Variants in CCDC18 observed in about 807,000 individuals in gnomAD.
CCDC18 encodes coiled-coil domain containing 18.
CCDC18 carries 157 observed loss-of-function variants against 196.0 expected under a neutral mutation model. The observed-to-expected ratio is 0.80, with a 90% CI of 0.70 to 0.91. The LOEUF (loss-of-function observed/expected upper bound fraction) is 0.91, where lower values mean the gene tolerates loss of function less well. CCDC18 is among the 40% of genes least tolerant of loss of function. The pLI is 0.00. For synonymous variants in CCDC18, 482 were observed against 529.2 expected, an observed-to-expected ratio of 0.91 and a Z score of 1.22; for missense variants, 1,465 against 1,611.6, an observed-to-expected ratio of 0.91 and a Z score of 1.56.
At chr1:93,246,994 A>G (rs766340237) in intron 23 of CCDC18, 40 bp downstream of exon 23, 1 of 877,090 alleles carries the variant, frequency 1.1e-6, no homozygotes, top group African/African-American at 1.8e-5. Context: ...ATTATTTTTT[A>G]AAAAATTCAA....
intron 4 of CCDC18, 55 bp from the exon 5 acceptor site, chr1:93,191,945 C>T (rs1651886489): frequency 2.4e-6 from 3 of 1,250,962 alleles, no homozygotes; most frequent in South Asian, 2.5e-5. Context: ...AACTAAGGAC[C>T]AAGTAGGTTA....
At position 93,206,693 on chromosome 1, in the gene CCDC18, T is replaced by C. The variant is rs368157065; in HGVS notation, c.918-414T>C. On this transcript the variant is annotated intron_variant, in intron 8 of 28. Transcript: ENST00000690025. Reference sequence around the variant, plus strand: ...GGCTCTTAAGCTGGTTGTACAATTATGTAGAGCCAGTTTACTTTTTCTCCT... The same window carrying C: ...GGCTCTTAAGCTGGTTGTACAATTACGTAGAGCCAGTTTACTTTTTCTCCT... 2.0e-5 allele frequency among the ~76,000 whole-genome samples: 3 copies of C among 152,170 alleles called. No homozygotes were observed. The South Asian group carries it at 6.2e-4, about 31-fold the overall frequency.
Position 93,184,112 on chromosome 1 carries a change from G to C in CCDC18, c.269G>C (p.Ser90Thr), listed in dbSNP as rs376226295. Residue 90 changes from serine to threonine, a missense_variant, in exon 3 of 29, where the codon AGC (serine) becomes ACC (threonine). Coordinates refer to ENST00000690025, the MANE Select transcript of CCDC18 (RefSeq NM_001378204.1). The stretch of plus-strand genomic sequence containing the variant: ...GAAAACGTCTGTAAAATATCTGGTA[G>C]CAGCACTGATTTTCAAAAAAAGCCA... ...PYENVCKISG[S>T]STDFQKKPRD... is the part of the protein sequence containing the mutation. The C allele has an allele frequency of 2.6e-6, 4 of 1,543,356 alleles. No homozygotes were observed. Among genetic ancestry groups the C allele is most frequent in the Non-Finnish European group, 3.5e-6 (4 of 1,139,360 alleles).
chr1:93,273,214 G>A (rs1456008980), intron 28 of CCDC18, among the ~76,000 whole-genome samples: 5 of 151,482 alleles, frequency 3.3e-5, no homozygotes, highest in East Asian at 1.9e-4. Context: ...GACTACAGGC[G>A]CCCGCCACCA....
chr1:93,210,422 G>A (rs1655426282), intron 9 of CCDC18, among the ~76,000 whole-genome samples: 1 of 151,980 alleles, frequency 6.6e-6, no homozygotes, highest in African/African-American at 2.4e-5. Context: ...TCTCTCCTCA[G>A]AAATGGCAAT....
chr1:93,270,389 G>T lies in CCDC18; in HGVS notation c.3928G>T (p.Glu1310Ter). Residue 1310 changes from glutamate to a stop codon, truncating the protein, a stop_gained, in exon 28 of 29, where the codon GAA becomes TAA. Transcript: ENST00000690025. LOFTEE classifies it high-confidence loss of function. ...ATTACAGGCCAAAATTTCTGGACAT[G>T]AAAAGGCAGAAGACATCAAGTTTCT... ...TRLQAKISGH[E>*]KAEDIKFLPA... 5 of 1,549,852 alleles carry T rather than the reference G, an allele frequency of 3.2e-6. No homozygotes were observed. Among genetic ancestry groups the T allele is most frequent in the Non-Finnish European group, 4.4e-6 (5 of 1,146,496 alleles).
At chr1:93,257,974 G>A (rs1450160692) in intron 25 of CCDC18, among the ~76,000 whole-genome samples, 3 of 151,152 alleles carry the variant, frequency 2.0e-5, no homozygotes, top group Admixed American at 6.6e-5. Flanking sequence ...ACTCCTACCT[G>A]GTCTTTCACC....
chr1:93,181,194 C>T (rs1326102877), intron 1 of CCDC18, among the ~76,000 whole-genome samples: 1 of 112,152 alleles, frequency 8.9e-6, no homozygotes, highest in Non-Finnish European at 1.8e-5. Context: ...CTGTCACTTC[C>T]GTCCCCCACC....
intron 8 of CCDC18, 33 bp downstream of exon 8, chr1:93,205,664 G>A (rs1247595367): frequency 1.3e-6 from 2 of 1,553,092 alleles, no homozygotes; most frequent in African/African-American, 1.4e-5. Flanking sequence ...AAGGATTTTT[G>A]TGTGGACATG....
intron 25 of CCDC18, among the ~76,000 whole-genome samples, chr1:93,257,707 A>G (rs974230890): frequency 6.6e-6 from 1 of 152,170 alleles, no homozygotes; most frequent in Non-Finnish European, 1.5e-5. Flanking sequence ...AAGGAAAGCT[A>G]TCTACTTTTA....
intron 25 of CCDC18, among the ~76,000 whole-genome samples, chr1:93,257,919 G>A (rs633789): frequency 0.29 from 43,439 of 151,632 alleles, 9,435 homozygotes; most frequent in African/African-American, 0.61. Flanking sequence ...CTTTTTGTAT[G>A]AGTCATTTGA....
In CCDC18 at chr1:93,211,072, C is replaced by T. The variant is rs149683633; in HGVS notation, c.1334+146C>T. 6,789 of 702,220 alleles carry T rather than the reference C, an allele frequency of 9.7e-3. 271 individuals are homozygous for T. The African/African-American group carries it at 0.1, about 10-fold the overall frequency. 43.5% of individuals were successfully genotyped at this position (702,220 alleles called of 1,614,324 possible). On this transcript the variant is annotated intron_variant, in intron 10 of 28. Transcript: ENST00000690025. ...CAGGCGGATCACGAGGTCAGGAGTT[C>T]GAGACCAGCCTGACCAACATGGTGA...
rs1660262905 is a variant in CCDC18 at position 93,237,832 on chromosome 1, T to C, written c.2603+1442T>C. ...CTCATTTTTAACAATTTCTGTACTC[T>C]AGTGATCCTGATCTTTAACATACCT... is the stretch of plus-strand genomic sequence containing the variant. On this transcript the variant is annotated intron_variant, in intron 19 of 28. Coordinates refer to ENST00000690025, the MANE Select transcript of CCDC18 (RefSeq NM_001378204.1). Among the ~76,000 whole-genome samples the C allele has an allele frequency of 3.9e-5, 6 of 152,186 alleles. No homozygotes were observed. The South Asian group carries it at 1.2e-3, about 31-fold the overall frequency.
intron 17 of CCDC18, among the ~76,000 whole-genome samples, chr1:93,231,632 A>G (rs1210596874): frequency 6.6e-6 from 1 of 152,140 alleles, no homozygotes; most frequent in Non-Finnish European, 1.5e-5. Flanking sequence ...GGACAAAGGG[A>G]ATTTATTTTT....
At chr1:93,198,290 G>GT (rs1653141022) in intron 6 of CCDC18, among the ~76,000 whole-genome samples, 1 of 152,162 alleles carries the variant, frequency 6.6e-6, no homozygotes, top group Non-Finnish European at 1.5e-5. Context: ...ATACACATCA[G>GT]TAAAAAAGAG....
At chr1:93,258,952 A>G (rs1663411999) in intron 26 of CCDC18, 67 bp downstream of exon 26, 3 of 1,333,908 alleles carry the variant, frequency 2.2e-6, no homozygotes, top group African/African-American at 1.5e-5. Flanking sequence ...GGACAAAAGT[A>G]TGAGTCCAGC....
intron 12 of CCDC18, among the ~76,000 whole-genome samples, chr1:93,216,328 G>A (rs1656471438): frequency 6.6e-6 from 1 of 152,138 alleles, no homozygotes; most frequent in African/African-American, 2.4e-5. Context: ...AAATAGATTA[G>A]GGTATTGTCC....
intron 1 of CCDC18, among the ~76,000 whole-genome samples, chr1:93,183,008 G>T (rs994553326): frequency 6.6e-6 from 1 of 152,100 alleles, no homozygotes; most frequent in Non-Finnish European, 1.5e-5. Flanking sequence ...TTTACAGTTT[G>T]TGTGACTTTG....
rs1650677917 is a variant in CCDC18 at position 93,186,385 on chromosome 1, G to A, written c.344G>A (p.Ser115Asn). 6.2e-7 allele frequency: 1 copy of A among 1,612,170 alleles called. No individual in the cohort carries two copies. The highest frequency in any genetic ancestry group is 8.5e-7 in the Non-Finnish European group (1 of 1,178,840). The change falls in exon 4 of 29, where the codon AGC becomes AAC. Residue 115 changes from serine (S) to asparagine (N), a missense_variant. By Grantham distance (46) the Ser-to-Asn change is conservative (BLOSUM62 1). Transcript: ENST00000690025. ...SSAPVDQEIK[S>N]LREKLNKLRQ... ...GCCCCTGTGGATCAGGAGATTAAAAGCCTTCGAGAGAAACTAAATAAACTT... is the reference window on the plus strand; with the variant it reads ...GCCCCTGTGGATCAGGAGATTAAAAACCTTCGAGAGAAACTAAATAAACTT...
Sources: gnomAD v4.1 joint callset for allele counts (sites outside exome capture counted in the v4.1 genomes callset) on GRCh38, gnomAD v4.1.1 for gene constraint, MANE v1.5 for transcripts, NCBI Gene and HGNC (gene_info 2026-07-23, HGNC 2026-07-21) for gene names.